DSCAM: variants seen among roughly 807,000 people sequenced by gnomAD.
DSCAM encodes the protein cell adhesion molecule DSCAM.
In DSCAM, 47 loss-of-function variants were observed where a neutral mutation model predicts 217.7. That is an observed-to-expected ratio of 0.22 (90% CI 0.17 to 0.28). The LOEUF (loss-of-function observed/expected upper bound fraction) is 0.28. DSCAM is among the 10% of genes least tolerant of loss of function. DSCAM has a pLI of 1.00. For missense variants in DSCAM, 2,080 were observed against 2,618.3 expected, an observed-to-expected ratio of 0.79 and a Z score of 4.49; for synonymous variants, 1,056 against 1,015.3, an observed-to-expected ratio of 1.04 and a Z score of -0.76.
intron 1 of DSCAM, among the ~76,000 whole-genome samples, chr21:40,736,244 C>T (rs1237995293): frequency 6.6e-6 from 1 of 152,160 alleles, no homozygotes; most frequent in East Asian, 1.9e-4. Context: ...GATATTTACC[C>T]ACCCAGGAGC....
chr21:40,094,806 T>A (rs1285345581), intron 20 of DSCAM, among the ~76,000 whole-genome samples: 1 of 152,118 alleles, frequency 6.6e-6, no homozygotes, highest in African/African-American at 2.4e-5. Context: ...CTTAACTACA[T>A]CCAAGAATAA....
In DSCAM at chr21:40,124,331, G is replaced by A. The variant is rs1292343049; in HGVS notation, c.3563-3C>T. On this transcript the variant is annotated splice_polypyrimidine_tract_variant and splice_region_variant and intron_variant, in intron 19 of 32. Coordinates refer to ENST00000400454, the MANE Select transcript of DSCAM (RefSeq NM_001389.5). Reference sequence around the variant, plus strand: ...CACACCCGCGGGAGGACCTGGAACTGGAAGAGCCGTGTGTTTAGTCACAAG... The same window carrying A: ...CACACCCGCGGGAGGACCTGGAACTAGAAGAGCCGTGTGTTTAGTCACAAG... 1 of 1,613,680 alleles carries A rather than the reference G, an allele frequency of 6.2e-7. No homozygotes were observed. Among genetic ancestry groups the A allele is most frequent in the East Asian group, 2.2e-5 (1 of 44,812 alleles).
chr21:40,341,244 A>G (rs78314503), intron 6 of DSCAM, among the ~76,000 whole-genome samples: 10,553 of 152,224 alleles, frequency 0.069, 777 homozygotes, highest in African/African-American at 0.19. Flanking sequence ...TTTTACAGAG[A>G]AGTTAGATGT....
At chr21:40,832,055 C>T (rs1190920240) in intron 1 of DSCAM, among the ~76,000 whole-genome samples, 1 of 152,136 alleles carries the variant, frequency 6.6e-6, no homozygotes, top group East Asian at 1.9e-4. Flanking sequence ...TGACCAGGGC[C>T]TGATAGTCAA....
At chr21:40,643,193 T>C (rs1195839601) in intron 3 of DSCAM, among the ~76,000 whole-genome samples, 1 of 152,206 alleles carries the variant, frequency 6.6e-6, no homozygotes, top group Non-Finnish European at 1.5e-5. Flanking sequence ...AAATACACAA[T>C]GTTTTTCCTA....
rs1309752802 is a variant in DSCAM, at chr21:40,012,638, C to T, written c.*396G>A. ...CTGAAGTTTTCCCCTGCCCGCAAAT[C>T]GGTGTTCCTTTTAAATTCACAAATA... On this transcript the variant is annotated 3_prime_UTR_variant, in exon 33 of 33. Transcript: ENST00000400454. The T allele has an allele frequency of 6.5e-6, 1 of 153,626 alleles. No homozygotes were observed. Among genetic ancestry groups the T allele is most frequent in the East Asian group, 1.9e-4 (1 of 5,224 alleles). The allele number at this position is 153,626 out of a possible 1,614,324, so 9.5% of individuals were successfully genotyped here.
chr21:40,043,869 T>G (rs2088798590), intron 31 of DSCAM, among the ~76,000 whole-genome samples: 1 of 152,222 alleles, frequency 6.6e-6, no homozygotes, highest in Non-Finnish European at 1.5e-5. Context: ...TAGATGCAGT[T>G]TGGCTCTGTT....
At chr21:40,248,064 G>A (rs2073250195) in intron 11 of DSCAM, among the ~76,000 whole-genome samples, 1 of 152,178 alleles carries the variant, frequency 6.6e-6, no homozygotes, top group Admixed American at 6.5e-5. Flanking sequence ...AGTCATGGCT[G>A]GAGTGGCTGG....
chr21:40,839,487 C>T (rs1157468318), intron 1 of DSCAM, among the ~76,000 whole-genome samples: 1 of 152,158 alleles, frequency 6.6e-6, no homozygotes, highest in East Asian at 1.9e-4. Context: ...TTGTTCAGAC[C>T]TACTCAAGCT....
At chr21:40,374,139 G>A (rs942059122) in intron 3 of DSCAM, among the ~76,000 whole-genome samples, 7 of 152,236 alleles carry the variant, frequency 4.6e-5, no homozygotes, top group Middle Eastern at 3.4e-3. Flanking sequence ...ACACATAGGT[G>A]TGTATATATA....
At chr21:40,392,946 C>G (rs981120813) in intron 3 of DSCAM, among the ~76,000 whole-genome samples, 2 of 152,128 alleles carry the variant, frequency 1.3e-5, no homozygotes, top group African/African-American at 4.8e-5. Flanking sequence ...ACCCCCAAAT[C>G]AAGTACTAAA....
chr21:40,081,401 G>A (rs80171049), intron 24 of DSCAM, among the ~76,000 whole-genome samples: 2,085 of 152,092 alleles, frequency 0.014, 53 homozygotes, highest in African/African-American at 0.048. Context: ...CTTACATGGC[G>A]ATCACTCATC....
At chr21:40,704,666 C>G (rs563210298) in intron 2 of DSCAM, among the ~76,000 whole-genome samples, 9 of 152,132 alleles carry the variant, frequency 5.9e-5, no homozygotes, top group Non-Finnish European at 1.2e-4. Flanking sequence ...CAGTGAGCCA[C>G]GATCCCATCA....
At position 40,719,557 on chromosome 21, in the gene DSCAM, T is replaced by C. The variant is rs187812190; in HGVS notation, c.44-10786A>G. ...TCACAAACTGAAAACTTACCAAATA[T>C]CGATCAATAATAAAATTGATACATC... On this transcript the variant is annotated intron_variant, in intron 1 of 32. Transcript: ENST00000400454. 2.0e-4 allele frequency among the ~76,000 whole-genome samples: 30 copies of C among 152,308 alleles called. No homozygotes were observed. The Middle Eastern group carries it at 0.01, about 52-fold the overall frequency.
At chr21:40,105,799 G>A (rs544577462) in intron 20 of DSCAM, among the ~76,000 whole-genome samples, 1 of 152,142 alleles carries the variant, frequency 6.6e-6, no homozygotes, top group South Asian at 2.1e-4. Flanking sequence ...CAAATAAATA[G>A]GCAAAAATTG....
At chr21:40,194,826 T>C (rs972517024) in intron 11 of DSCAM, among the ~76,000 whole-genome samples, 2 of 152,270 alleles carry the variant, frequency 1.3e-5, no homozygotes, top group African/African-American at 4.8e-5. Context: ...TCATGTCTCT[T>C]TCCCATTTAG....
chr21:40,266,974 T>A (rs1199319997), intron 11 of DSCAM, among the ~76,000 whole-genome samples: 1 of 147,652 alleles, frequency 6.8e-6, no homozygotes, highest in Non-Finnish European at 1.5e-5. Flanking sequence ...GAGCTAAGCT[T>A]TGGGCACACA....
chr21:40,111,456 A>T (rs956361471), intron 20 of DSCAM, among the ~76,000 whole-genome samples: 24 of 152,138 alleles, frequency 1.6e-4, no homozygotes, highest in Non-Finnish European at 5.9e-5. Flanking sequence ...AGTCACTGCA[A>T]AAACATGCCA....
intron 1 of DSCAM, among the ~76,000 whole-genome samples, chr21:40,750,214 C>A (rs370773582): frequency 6.6e-6 from 1 of 152,030 alleles, no homozygotes; most frequent in African/African-American, 2.4e-5. Context: ...AGGCATGAGC[C>A]ACCATGCCTG....
Sources: gnomAD v4.1 joint callset for allele counts (sites outside exome capture counted in the v4.1 genomes callset) on GRCh38, gnomAD v4.1.1 for gene constraint, MANE v1.5 for transcripts, NCBI Gene and HGNC (gene_info 2026-07-23, HGNC 2026-07-21) for gene names.